The following GFOD1 variants were observed in gnomAD, a reference collection of about 807,000 sequenced individuals.
GFOD1 encodes Gfo/Idh/MocA-like oxidoreductase domain containing 1, also known as glucose-fructose oxidoreductase domain-containing protein 1.
Under a neutral mutation model 25.4 loss-of-function variants are expected in GFOD1, and 9 were observed. That is an observed-to-expected ratio of 0.35 (90% CI 0.21 to 0.62). GFOD1 has a LOEUF of 0.62. Ranked by LOEUF, GFOD1 falls within the 20% of genes least tolerant of loss-of-function variation. GFOD1 has a pLI of 0.72. For missense variants in GFOD1, 403 were observed against 556.9 expected (o/e 0.72, Z 2.78); for synonymous variants, 253 against 245.6 (o/e 1.03, Z -0.28).
intron 1 of GFOD1, among the ~76,000 whole-genome samples, chr6:13,438,992 A>T (rs2127571647): frequency 6.6e-6 from 1 of 150,704 alleles, no homozygotes; most frequent in East Asian, 2.0e-4. Flanking sequence ...ATACCAGTGA[A>T]TGAGAACAGA....
chr6:13,389,288 A>AT (rs1785536787), intron 1 of GFOD1, among the ~76,000 whole-genome samples: 8 of 152,234 alleles, frequency 5.3e-5, no homozygotes, highest in Admixed American at 5.2e-4. Context: ...ATTATAAATC[A>AT]AGCTACTTTA....
intron 1 of GFOD1, among the ~76,000 whole-genome samples, chr6:13,432,598 G>A (rs982154138): frequency 2.0e-4 from 30 of 152,074 alleles, no homozygotes; most frequent in Non-Finnish European, 1.0e-4. Flanking sequence ...CAAAGGTGAC[G>A]CTTCTGCCAG....
intron 1 of GFOD1, among the ~76,000 whole-genome samples, chr6:13,415,812 A>G (rs1181452333): frequency 6.6e-6 from 1 of 152,242 alleles, no homozygotes; most frequent in Non-Finnish European, 1.5e-5. Context: ...CTATATGGCT[A>G]TGGTGACTGG....
At chr6:13,420,975 G>A (rs966560420) in intron 1 of GFOD1, among the ~76,000 whole-genome samples, 4 of 152,174 alleles carry the variant, frequency 2.6e-5, no homozygotes, top group African/African-American at 9.7e-5. Flanking sequence ...TTATAGTGGC[G>A]AGGGGGAGCC....
At chr6:13,376,105 C>T (rs1785249667) in intron 1 of GFOD1, among the ~76,000 whole-genome samples, 1 of 152,194 alleles carries the variant, frequency 6.6e-6, no homozygotes, top group South Asian at 2.1e-4. Flanking sequence ...AAGAGACCTT[C>T]CAAGCTAGTG....
chr6:13,365,146 C>A lies in GFOD1; in HGVS notation c.770G>T (p.Arg257Leu), dbSNP rs759860102. ...QDVTVVGSAG[R>L]LLAVGTDLYG... ...CAGGTCGGTGCCCACGGCCAGCAGG[C>A]GCCCGGCTGAGCCCACCACAGTGAC... The change falls in exon 2 of 2, where the codon CGC (arginine) becomes CTC (leucine). Residue 257 changes from arginine to leucine, a missense_variant. Coordinates refer to ENST00000379287, the MANE Select transcript of GFOD1 (RefSeq NM_018988.4). This position sits in a 1 kb window ranked among gnomAD's most constrained non-coding sequence, Gnocchi z 9.2. The A allele has an allele frequency of 2.5e-6, 4 of 1,613,398 alleles. No homozygotes were observed. The highest frequency in any genetic ancestry group is 3.4e-6 in the Non-Finnish European group (4 of 1,179,884).
intron 1 of GFOD1, among the ~76,000 whole-genome samples, chr6:13,394,142 T>C (rs1437602863): frequency 6.6e-6 from 1 of 152,208 alleles, no homozygotes; most frequent in East Asian, 1.9e-4. Flanking sequence ...AATAGACTCA[T>C]TTAAAAAGAT....
chr6:13,404,674 A>C (rs1470217920), intron 1 of GFOD1, among the ~76,000 whole-genome samples: 1 of 152,254 alleles, frequency 6.6e-6, no homozygotes, highest in Non-Finnish European at 1.5e-5. Flanking sequence ...GAACATGTGA[A>C]CTACACAGTG....
Position 13,388,715 on chromosome 6 carries a change from T to C in GFOD1, c.254-23053A>G, listed in dbSNP as rs182267229. Among the ~76,000 whole-genome samples the C allele has an allele frequency of 2.3e-3, 346 of 152,312 alleles. 2 individuals carry two copies. The highest frequency in any genetic ancestry group is 7.6e-3 in the African/African-American group (316 of 41,554). ...GACACAGACATGGGCAAAGACTTCA[T>C]GACTAAAACACCAAAAGCAACGGCA... On this transcript the variant is annotated intron_variant, in intron 1 of 1. Transcript: ENST00000379287.
intron 1 of GFOD1, among the ~76,000 whole-genome samples, chr6:13,428,665 C>CA (rs1757690374): frequency 6.9e-6 from 1 of 145,712 alleles, no homozygotes; most frequent in Non-Finnish European, 1.5e-5. Context: ...CCCAAAGCAC[C>CA]AAAAAAGCCT....
intron 1 of GFOD1, among the ~76,000 whole-genome samples, chr6:13,411,816 C>G (rs903967661): frequency 3.3e-5 from 5 of 152,236 alleles, no homozygotes; most frequent in African/African-American, 1.2e-4. Flanking sequence ...TCATTGACAG[C>G]ATTTCCAGTG....
At chr6:13,464,179 G>A (rs1173241304) in intron 1 of GFOD1, among the ~76,000 whole-genome samples, 1 of 152,116 alleles carries the variant, frequency 6.6e-6, no homozygotes, top group African/African-American at 2.4e-5. Flanking sequence ...GCCACACATG[G>A]GTTTTCCTGC....
chr6:13,471,766 C>T (rs1465558522), intron 1 of GFOD1, among the ~76,000 whole-genome samples: 1 of 152,184 alleles, frequency 6.6e-6, no homozygotes, highest in African/African-American at 2.4e-5. Flanking sequence ...TTACCCATTG[C>T]TATATCCATT....
chr6:13,405,473 C>A (rs1002594483), intron 1 of GFOD1, among the ~76,000 whole-genome samples: 1 of 152,164 alleles, frequency 6.6e-6, no homozygotes, highest in Non-Finnish European at 1.5e-5. Flanking sequence ...ATATTTACAG[C>A]ACATCTTAAT....
rs1323090164 is a variant in GFOD1, at chr6:13,360,640, T to C, written c.*4103A>G. 4 of 445,390 alleles carry C rather than the reference T, an allele frequency of 9.0e-6. No homozygotes were observed. Among genetic ancestry groups the C allele is most frequent in the South Asian group, 3.1e-5 (2 of 64,338 alleles). 27.6% of individuals were successfully genotyped at this position (445,390 alleles called of 1,614,324 possible). A position where few individuals can be genotyped will look rare whatever the true frequency, so the allele number is the denominator to read the frequency against. On this transcript the variant is annotated 3_prime_UTR_variant, in exon 2 of 2. Coordinates refer to ENST00000379287, the MANE Select transcript of GFOD1 (RefSeq NM_018988.4). Reference sequence around the variant, plus strand: ...GTCAATTTTAAAAAAGGCTGAGTGATATTTCCATTTTGGAATGGGAAGAAA... The same window carrying C: ...GTCAATTTTAAAAAAGGCTGAGTGACATTTCCATTTTGGAATGGGAAGAAA...
intron 1 of GFOD1, among the ~76,000 whole-genome samples, chr6:13,448,083 C>G (rs907655922): frequency 6.6e-6 from 1 of 151,998 alleles, no homozygotes; most frequent in Non-Finnish European, 1.5e-5. Flanking sequence ...AGGGGGCACT[C>G]GTGGTGCCCT....
chr6:13,429,440 C>T (rs551712244), intron 1 of GFOD1, among the ~76,000 whole-genome samples: 4 of 152,302 alleles, frequency 2.6e-5, no homozygotes, highest in African/African-American at 9.6e-5. Flanking sequence ...ATGCAAAGAC[C>T]TCAGGGAATT....
At chr6:13,469,524 T>C in intron 1 of GFOD1, 1 of 1,017,860 alleles carries the variant, frequency 9.8e-7, no homozygotes, top group Non-Finnish European at 1.2e-6. Context: ...AGACCATTGA[T>C]ACTGCAGCAC....
chr6:13,441,217 G>A (rs1406257439), intron 1 of GFOD1, among the ~76,000 whole-genome samples: 1 of 152,200 alleles, frequency 6.6e-6, no homozygotes, highest in Non-Finnish European at 1.5e-5. Flanking sequence ...GAAGGTGCAT[G>A]AGGGTCCACC....
Sources: allele counts gnomAD v4.1 joint callset (sites outside exome capture counted in the v4.1 genomes callset), GRCh38; gene constraint gnomAD v4.1.1; non-coding constraint Gnocchi (gnomAD v3.1); transcripts MANE v1.5; gene names NCBI Gene and HGNC (gene_info 2026-07-23, HGNC 2026-07-21).